EFNA5: variants seen among roughly 807,000 people sequenced by gnomAD.
The protein encoded by EFNA5 is ephrin A5.
EFNA5 carries 5 observed loss-of-function variants against 22.9 expected under a neutral mutation model. That is an observed-to-expected ratio of 0.22 (90% CI 0.11 to 0.46). The LOEUF (loss-of-function observed/expected upper bound fraction) is 0.46. Among genes scored for constraint, EFNA5 ranks in the 20% least tolerant of loss-of-function variants. The pLI is 0.99. For missense variants in EFNA5, 237 were observed against 293.3 expected (o/e 0.81, Z 1.40); for synonymous variants, 113 against 112.2 (o/e 1.01, Z -0.04).
chr5:107,563,707 C>T (rs1317701354), intron 1 of EFNA5, among the ~76,000 whole-genome samples: 1 of 152,164 alleles, frequency 6.6e-6, no homozygotes, highest in East Asian at 1.9e-4. Context: ...TCCCAAAGTG[C>T]TGGGATAACA....
At chr5:107,483,778 G>A (rs1750546777) in intron 1 of EFNA5, among the ~76,000 whole-genome samples, 1 of 152,144 alleles carries the variant, frequency 6.6e-6, no homozygotes, top group African/African-American at 2.4e-5. Flanking sequence ...GGAATGCTAT[G>A]AGATACATTT....
chr5:107,441,524 T>C (rs1749256885), intron 1 of EFNA5, among the ~76,000 whole-genome samples: 1 of 152,184 alleles, frequency 6.6e-6, no homozygotes, highest in Non-Finnish European at 1.5e-5. Context: ...TACATATACT[T>C]CAGTTTAGTT....
At chr5:107,667,577 A>G (rs1055257248) in intron 1 of EFNA5, among the ~76,000 whole-genome samples, 1 of 152,176 alleles carries the variant, frequency 6.6e-6, no homozygotes, top group Non-Finnish European at 1.5e-5. Flanking sequence ...ATAATTTCAA[A>G]TTGAATCTGT....
chr5:107,454,309 G>A (rs141269392), intron 1 of EFNA5, among the ~76,000 whole-genome samples: 4 of 152,124 alleles, frequency 2.6e-5, no homozygotes, highest in African/African-American at 9.6e-5. Flanking sequence ...TTTTCTTAAA[G>A]CTTTTGCTAC....
chr5:107,396,477 T>C (rs1747929701), intron 2 of EFNA5, among the ~76,000 whole-genome samples: 1 of 152,216 alleles, frequency 6.6e-6, no homozygotes, highest in South Asian at 2.1e-4. Flanking sequence ...CTGCGCTTAC[T>C]GGGGCCTCTG....
intron 1 of EFNA5, among the ~76,000 whole-genome samples, chr5:107,533,849 T>TA (rs1747873861): frequency 6.6e-6 from 1 of 152,160 alleles, no homozygotes; most frequent in African/African-American, 2.4e-5. Flanking sequence ...CAAAAATAAT[T>TA]AAACATCTCT....
intron 1 of EFNA5, among the ~76,000 whole-genome samples, chr5:107,665,556 A>G (rs1751048943): frequency 6.6e-6 from 1 of 152,224 alleles, no homozygotes; most frequent in South Asian, 2.1e-4. Context: ...AGACTCTGAT[A>G]CTTTTAATCA....
chr5:107,575,921 T>C (rs1356768462), intron 1 of EFNA5, among the ~76,000 whole-genome samples: 2 of 152,188 alleles, frequency 1.3e-5, no homozygotes, highest in Non-Finnish European at 2.9e-5. Context: ...AAAGTTTTCA[T>C]GGAAATCTCA....
intron 1 of EFNA5, among the ~76,000 whole-genome samples, chr5:107,622,295 C>A (rs1049597609): frequency 2.0e-5 from 3 of 152,110 alleles, no homozygotes; most frequent in African/African-American, 7.2e-5. Context: ...GCTTTGCTAC[C>A]CTAGCTGCAC....
At position 107,379,708 on chromosome 5, in the gene EFNA5, T is replaced by C. The variant is rs1747380857; in HGVS notation, c.*1547A>G. On this transcript the variant is annotated 3_prime_UTR_variant, in exon 5 of 5. Coordinates refer to ENST00000333274, the MANE Select transcript of EFNA5 (RefSeq NM_001962.3). ...GACTGGAAACGTCCCCTGTTGGCCA[T>C]GCTAAGATTCCTTCAACAGGGTCAT... 1 of 152,160 alleles carries C rather than the reference T, an allele frequency of 6.6e-6. No homozygotes were observed. The highest frequency in any genetic ancestry group is 1.5e-5 in the Non-Finnish European group (1 of 68,040). 9.4% of individuals were successfully genotyped at this position (152,160 alleles called of 1,614,324 possible).
At chr5:107,558,240 T>C (rs1748465925) in intron 1 of EFNA5, among the ~76,000 whole-genome samples, 1 of 152,152 alleles carries the variant, frequency 6.6e-6, no homozygotes, top group Admixed American at 6.5e-5. Context: ...GCAACTGTAC[T>C]ACATAATGCC....
At chr5:107,396,885 G>A (rs1747940913) in intron 2 of EFNA5, among the ~76,000 whole-genome samples, 1 of 152,084 alleles carries the variant, frequency 6.6e-6, no homozygotes, top group South Asian at 2.1e-4. Context: ...AGGCTAGAGG[G>A]ACCGTAGGAC....
At chr5:107,523,254 C>A (rs1747631046) in intron 1 of EFNA5, among the ~76,000 whole-genome samples, 1 of 152,034 alleles carries the variant, frequency 6.6e-6, no homozygotes, top group Non-Finnish European at 1.5e-5. Flanking sequence ...TGGGAAATAG[C>A]CATGATATCA....
intron 2 of EFNA5, among the ~76,000 whole-genome samples, chr5:107,394,662 G>A (rs1470375016): frequency 1.3e-5 from 2 of 152,078 alleles, no homozygotes; most frequent in African/African-American, 4.8e-5. Context: ...CTATCTCTCT[G>A]CCCCCTTAAG....
At chr5:107,398,616 A>C (rs1271583418) in intron 2 of EFNA5, among the ~76,000 whole-genome samples, 1 of 151,928 alleles carries the variant, frequency 6.6e-6, no homozygotes, top group Non-Finnish European at 1.5e-5. Context: ...GAAGGCTGAG[A>C]CAGGAGGACT....
chr5:107,480,604 T>C (rs977300672), intron 1 of EFNA5, among the ~76,000 whole-genome samples: 21 of 152,178 alleles, frequency 1.4e-4, no homozygotes, highest in African/African-American at 3.4e-4. Flanking sequence ...AGGTATCCAA[T>C]ACACCAATTA....
At chr5:107,596,344 T>C (rs1293540618) in intron 1 of EFNA5, among the ~76,000 whole-genome samples, 1 of 152,196 alleles carries the variant, frequency 6.6e-6, no homozygotes, top group Non-Finnish European at 1.5e-5. Context: ...CTACTTTAGA[T>C]ACCTCATATA....
At chr5:107,433,884 G>A (rs886361620) in intron 1 of EFNA5, among the ~76,000 whole-genome samples, 2 of 145,166 alleles carry the variant, frequency 1.4e-5, no homozygotes, top group Non-Finnish European at 3.0e-5. Flanking sequence ...CTGGGCAACA[G>A]AGCAAGACCC....
At position 107,387,737 on chromosome 5, in the gene EFNA5, A is replaced by G. The variant is rs751584235; in HGVS notation, c.453T>C (p.Cys151=). Reference sequence around the variant, plus strand: ...GTCTCACAAAGACTTTGAGCTTTAGACAGGACCTTCTTCCATTATCTGGGA... The same window carrying G: ...GTCTCACAAAGACTTTGAGCTTTAGGCAGGACCTTCTTCCATTATCTGGGA... The part of the protein sequence containing the change: ...SAIPDNGRRS[C]LKLKVFVRPT... Residue 151 remains cysteine (C), a synonymous_variant, in exon 3 of 5, where the codon TGT becomes TGC. Transcript: ENST00000333274. The G allele has an allele frequency of 1.2e-6, 2 of 1,613,456 alleles. No individual in the cohort carries two copies. Among genetic ancestry groups the G allele is most frequent in the Non-Finnish European group, 1.7e-6 (2 of 1,179,638 alleles).
Sources: gnomAD v4.1 joint callset for allele counts (sites outside exome capture counted in the v4.1 genomes callset) on GRCh38, gnomAD v4.1.1 for gene constraint, MANE v1.5 for transcripts, NCBI Gene and HGNC (gene_info 2026-07-23, HGNC 2026-07-21) for gene names.